Variants in FER observed in about 807,000 individuals in gnomAD.
FER encodes the protein tyrosine-protein kinase Fer.
In FER, 63 loss-of-function variants were observed where a neutral mutation model predicts 111.0. The ratio of observed to expected loss-of-function variants is 0.57; its 90% CI spans 0.46 to 0.70. The LOEUF is 0.70. FER is among the 30% of genes least tolerant of loss of function. The pLI is 0.00. For synonymous variants in FER, 327 were observed against 313.9 expected, an observed-to-expected ratio of 1.04 and a Z score of -0.44; for missense variants, 914 against 954.0, an observed-to-expected ratio of 0.96 and a Z score of 0.55.
intron 16 of FER, chr5:109,051,720 G>A: frequency 6.4e-7 from 1 of 1,566,714 alleles, no homozygotes; most frequent in Non-Finnish European, 8.8e-7. Context: ...TGGTCGCATG[G>A]TAAGGGTCGC....
chr5:109,127,371 C>T (rs1751847828), intron 17 of FER, among the ~76,000 whole-genome samples: 4 of 152,022 alleles, frequency 2.6e-5, no homozygotes. Flanking sequence ...ATATGTGCCT[C>T]AACTGTGTTT....
At chr5:109,024,659 A>G (rs1768416778) in intron 13 of FER, among the ~76,000 whole-genome samples, 1 of 152,162 alleles carries the variant, frequency 6.6e-6, no homozygotes, top group Non-Finnish European at 1.5e-5. Flanking sequence ...GTACCGTCTA[A>G]TCCCCCTTTC....
intron 10 of FER, among the ~76,000 whole-genome samples, chr5:108,912,227 C>T (rs1490412087): frequency 6.6e-6 from 1 of 152,136 alleles, no homozygotes; most frequent in East Asian, 1.9e-4. Context: ...ATACAAGTTA[C>T]TTTAGCCTTG....
intron 17 of FER, among the ~76,000 whole-genome samples, chr5:109,179,233 A>G (rs964936452): frequency 3.3e-5 from 5 of 152,204 alleles, no homozygotes; most frequent in Non-Finnish European, 5.9e-5. Context: ...ATTGTTTCCA[A>G]GAGAACCCTT....
intron 12 of FER, among the ~76,000 whole-genome samples, chr5:108,956,426 T>A (rs1758437985): frequency 6.6e-6 from 1 of 151,692 alleles, no homozygotes; most frequent in Admixed American, 6.6e-5. Context: ...TGTCTTATTA[T>A]CACTTCTAGT....
intron 17 of FER, among the ~76,000 whole-genome samples, chr5:109,130,436 C>T (rs923988454): frequency 6.6e-6 from 1 of 151,658 alleles, no homozygotes; most frequent in Non-Finnish European, 1.5e-5. Context: ...TTGGCCTTGT[C>T]CAAGATATGT....
intron 17 of FER, among the ~76,000 whole-genome samples, chr5:109,142,031 G>T (rs1166905276): frequency 6.6e-6 from 1 of 152,116 alleles, no homozygotes; most frequent in Non-Finnish European, 1.5e-5. Context: ...GTTTTTCCTG[G>T]TTTGTTAGTA....
At chr5:108,870,365 A>G (rs1462281148) in intron 6 of FER, among the ~76,000 whole-genome samples, 1 of 152,088 alleles carries the variant, frequency 6.6e-6, no homozygotes, top group East Asian at 1.9e-4. Context: ...AGTTATTTAG[A>G]TAGGCTCATT....
At chr5:109,186,526 A>T (rs1758885376) in intron 19 of FER, among the ~76,000 whole-genome samples, 7 of 152,170 alleles carry the variant, frequency 4.6e-5, no homozygotes, top group Admixed American at 3.9e-4. Context: ...AGAGAGGTAT[A>T]TAGGCTTTTC....
intron 17 of FER, among the ~76,000 whole-genome samples, chr5:109,115,753 A>G (rs1056314699): frequency 1.3e-5 from 2 of 151,962 alleles, no homozygotes; most frequent in East Asian, 3.9e-4. Flanking sequence ...GGTTTTTGGT[A>G]TTTTTATTTA....
chr5:108,990,370 T>C (rs1367992714), intron 13 of FER, among the ~76,000 whole-genome samples: 3 of 151,906 alleles, frequency 2.0e-5, no homozygotes, highest in African/African-American at 7.2e-5. Context: ...TCTAAAAATA[T>C]TGTATATTAC....
intron 16 of FER, among the ~76,000 whole-genome samples, chr5:109,092,352 T>C (rs937600800): frequency 7.0e-6 from 1 of 143,440 alleles, no homozygotes; most frequent in African/African-American, 2.6e-5. Context: ...AGAGAAAAGT[T>C]TACAAACCAC....
At position 109,187,474 on chromosome 5, in the gene FER, T is replaced by G. The variant is rs779559454; in HGVS notation, c.2368T>G (p.Ser790Ala). Residue 790 changes from serine (S) to alanine (A), a missense_variant, in exon 20 of 20, where the codon TCC (serine) becomes GCC (alanine). Coordinates refer to ENST00000281092, the MANE Select transcript of FER (RefSeq NM_005246.4). ...SAPQHCPEDI[S>A]KIMMKCWDYK... is the part of the protein sequence containing the mutation. ...TCCCCAGCACTGTCCAGAGGATATTTCCAAAATCATGATGAAGTGTTGGGA... is the reference window on the plus strand; with the variant it reads ...TCCCCAGCACTGTCCAGAGGATATTGCCAAAATCATGATGAAGTGTTGGGA... 6.2e-7 allele frequency: 1 copy of G among 1,614,122 alleles called. No individual in the cohort carries two copies. The highest frequency in any genetic ancestry group is 1.1e-5 in the South Asian group (1 of 91,072).
rs568466282 is a variant in FER, at chr5:109,027,443, G to A, written c.1657-9979G>A. On this transcript the variant is annotated intron_variant, in intron 13 of 19. Coordinates refer to ENST00000281092, the MANE Select transcript of FER (RefSeq NM_005246.4). The stretch of plus-strand genomic sequence containing the variant: ...GGGGAGATATATAGGAATAGAATAA[G>A]GTTGTTCTTTACTATTAGCAGTATT... Among the ~76,000 whole-genome samples the A allele has an allele frequency of 2.0e-5, 3 of 152,232 alleles. No individual in the cohort carries two copies. In the East Asian group the frequency reaches 5.8e-4, roughly 29 times the overall value.
intron 17 of FER, among the ~76,000 whole-genome samples, chr5:109,114,478 C>T (rs1749997064): frequency 6.6e-6 from 1 of 151,888 alleles, no homozygotes; most frequent in Non-Finnish European, 1.5e-5. Flanking sequence ...AGGGTTTTAA[C>T]TTGGAACTTT....
chr5:108,758,422 G>C (rs1001733457), intron 1 of FER, among the ~76,000 whole-genome samples: 1 of 152,086 alleles, frequency 6.6e-6, no homozygotes, highest in African/African-American at 2.4e-5. Context: ...GAATTTTCAC[G>C]ATTCTTCAGT....
chr5:109,051,056 T>C (rs905215660), intron 16 of FER, among the ~76,000 whole-genome samples: 25 of 152,188 alleles, frequency 1.6e-4, no homozygotes, highest in Non-Finnish European at 3.2e-4. Flanking sequence ...GGAACTCTTA[T>C]TTATAATCTA....
intron 16 of FER, among the ~76,000 whole-genome samples, chr5:109,073,398 A>T (rs1023255272): frequency 1.3e-5 from 2 of 152,124 alleles, no homozygotes; most frequent in African/African-American, 4.8e-5. Context: ...GGCTCGTGCC[A>T]TATAGTCCGT....
chr5:109,123,889 A>G (rs188187576), intron 17 of FER, among the ~76,000 whole-genome samples: 4 of 152,294 alleles, frequency 2.6e-5, no homozygotes, highest in East Asian at 1.9e-4. Context: ...ATGTTGTTCT[A>G]TGTTTACATT....
Sources: allele counts gnomAD v4.1 joint callset (sites outside exome capture counted in the v4.1 genomes callset), GRCh38; gene constraint gnomAD v4.1.1; transcripts MANE v1.5; gene names NCBI Gene and HGNC (gene_info 2026-07-23, HGNC 2026-07-21).